The following PDCD7 variants were observed in gnomAD, a reference collection of about 807,000 sequenced individuals.
The protein encoded by PDCD7 is programmed cell death protein 7.
Under a neutral mutation model 42.1 loss-of-function variants are expected in PDCD7, and 40 were observed. The ratio of observed to expected loss-of-function variants is 0.95; its 90% CI spans 0.74 to 1.24. The LOEUF (loss-of-function observed/expected upper bound fraction) is 1.24. Among genes scored for constraint, PDCD7 ranks in the 50% most tolerant of loss-of-function variants. The probability of loss-of-function intolerance (pLI) is 0.00; values close to 1 mark genes in which losing one functional copy is unlikely to be tolerated. For missense variants in PDCD7, 644 were observed against 662.8 expected, an observed-to-expected ratio of 0.97 and a Z score of 0.31; for synonymous variants, 299 against 303.3, an observed-to-expected ratio of 0.99 and a Z score of 0.15.
At chr15:65,122,111 G>T (rs2087460026) in intron 2 of PDCD7, among the ~76,000 whole-genome samples, 1 of 152,194 alleles carries the variant, frequency 6.6e-6, no homozygotes, top group Non-Finnish European at 1.5e-5. Context: ...GAGGCAGGCA[G>T]GTTGCCTGAG....
Position 65,129,070 on chromosome 15 carries a change from T to C in PDCD7, c.971A>G (p.Lys324Arg), listed in dbSNP as rs2087518671. 2 of 1,614,116 alleles carry C rather than the reference T, an allele frequency of 1.2e-6. 1 individual carries two copies. Among genetic ancestry groups the C allele is most frequent in the Admixed American group, 3.3e-5 (2 of 60,022 alleles). The change falls in exon 2 of 5, where the codon AAA becomes AGA. Residue 324 changes from lysine (K) to arginine (R), a missense_variant. Lys to Arg is a conservative substitution (Grantham distance 26). Coordinates refer to ENST00000204549, the MANE Select transcript of PDCD7 (RefSeq NM_005707.2). ...AGCCTCTTTCCTCAGTTTCCTCAAT[T>C]TCTCCAAAGCCCGTAGAATGTCCAC... ...RMVDILRALE[K>R]LRKLRKEAAA...
intron 2 of PDCD7, among the ~76,000 whole-genome samples, chr15:65,122,413 A>C (rs540375690): frequency 3.0e-4 from 46 of 152,266 alleles, no homozygotes; most frequent in African/African-American, 1.0e-3. Flanking sequence ...TACCATAATC[A>C]ACCATTTTAT....
chr15:65,126,371 A>T (rs548705882), intron 2 of PDCD7, among the ~76,000 whole-genome samples: 17 of 152,238 alleles, frequency 1.1e-4, no homozygotes, highest in African/African-American at 4.1e-4. Context: ...CTTATCCAGG[A>T]TGTACCACAC....
chr15:65,118,610 C>T lies in PDCD7; in HGVS notation c.*107G>A, dbSNP rs368970647. The T allele has an allele frequency of 2.6e-4, 305 of 1,187,996 alleles. 3 individuals are homozygous for T. The South Asian group carries it at 3.8e-3, about 15-fold the overall frequency. 73.6% of individuals were successfully genotyped at this position (1,187,996 alleles called of 1,614,324 possible). A position where few individuals can be genotyped will look rare whatever the true frequency, so the allele number is the denominator to read the frequency against. On this transcript the variant is annotated 3_prime_UTR_variant, in exon 5 of 5. Transcript: ENST00000204549. The stretch of plus-strand genomic sequence containing the variant: ...ATAACTTCAGGGTAGGGGAATGCCA[C>T]ATGGAATTTAGAAGTTGCAGTTTAG...
rs763020199 is a variant in PDCD7 at position 65,129,154 on chromosome 15, G to A, written c.887C>T (p.Ala296Val). The A allele has an allele frequency of 5.0e-6, 8 of 1,613,848 alleles. No individual in the cohort carries two copies. The South Asian group carries it at 8.8e-5, about 18-fold the overall frequency. Residue 296 changes from alanine (A) to valine (V), a missense_variant, in exon 2 of 5, where the codon GCA becomes GTA. Ala to Val is a moderately conservative substitution (Grantham distance 64). Coordinates refer to ENST00000204549, the MANE Select transcript of PDCD7 (RefSeq NM_005707.2). ...EEKKREQELK[A>V]AADGVLSEVR... ...TTCAGATAGTACGCCATCAGCGGCTGCTTTGAGTTCCTGCTCCTGGAAGAG... is the reference window on the plus strand; with the variant it reads ...TTCAGATAGTACGCCATCAGCGGCTACTTTGAGTTCCTGCTCCTGGAAGAG...
In PDCD7 at chr15:65,127,277, G is replaced by A. The variant is rs190307014; in HGVS notation, c.1009+1755C>T. Among the ~76,000 whole-genome samples, 1,066 of 152,122 alleles carry A rather than the reference G, an allele frequency of 7.0e-3. 12 individuals carry two copies. The highest frequency in any genetic ancestry group is 0.023 in the African/African-American group (972 of 41,484). On this transcript the variant is annotated intron_variant, in intron 2 of 4. Transcript: ENST00000204549. ...TCGAGACCATCCTGGCTAACAAGGT[G>A]AAACCCCGTCTCTACTAAAAATACA...
rs1350845095 is a variant in PDCD7 at position 65,132,539 on chromosome 15, C to A, written c.870+373G>T. 3.3e-5 allele frequency among the ~76,000 whole-genome samples: 5 copies of A among 152,182 alleles called. No individual in the cohort carries two copies. The East Asian group carries it at 9.7e-4, about 29-fold the overall frequency. ...TGCTGGGATTACAGGCGTGGGCCAC[C>A]GCGCCCGGCCTGTATTTTGTATTCT... On this transcript the variant is annotated intron_variant, in intron 1 of 4. Coordinates refer to ENST00000204549, the MANE Select transcript of PDCD7 (RefSeq NM_005707.2).
chr15:65,123,564 T>A (rs1269522344), intron 2 of PDCD7, among the ~76,000 whole-genome samples: 2 of 152,250 alleles, frequency 1.3e-5, no homozygotes, highest in Admixed American at 1.3e-4. Context: ...ATTTTCAGTT[T>A]GGGCTGATAA....
chr15:65,132,808 G>T, intron 1 of PDCD7, 104 bp downstream of exon 1: 1 of 1,512,028 alleles, frequency 6.6e-7, no homozygotes, highest in Non-Finnish European at 8.9e-7. Context: ...CATTTTGCGC[G>T]TAAAACAGAG....
intron 2 of PDCD7, among the ~76,000 whole-genome samples, chr15:65,120,621 T>C (rs1298572566): frequency 1.3e-5 from 2 of 152,066 alleles, no homozygotes; most frequent in African/African-American, 4.8e-5. Flanking sequence ...GACAGGAGAA[T>C]GGCGTGAACC....
At position 65,119,416 on chromosome 15, in the gene PDCD7, G is replaced by A. The variant is rs375168838; in HGVS notation, c.1294C>T (p.Leu432Phe). 1.2e-5 allele frequency: 20 copies of A among 1,613,942 alleles called. No homozygotes were observed. In the African/African-American group the frequency reaches 2.3e-4, roughly 18 times the overall value. Reference sequence around the variant, plus strand: ...GCTGGCAGGGAGTGCTCGGCTTGGAGATAATACTGTCGGAAAGGCTCCAAG... The same window carrying A: ...GCTGGCAGGGAGTGCTCGGCTTGGAAATAATACTGTCGGAAAGGCTCCAAG... ...HLLEPFRQYY[L>F]QAEHSLPALI... Residue 432 changes from leucine (L) to phenylalanine (F), a missense_variant, in exon 4 of 5, where the codon CTC becomes TTC. Physicochemically the swap from Leu to Phe is conservative, Grantham distance 22 (BLOSUM62 0). Coordinates refer to ENST00000204549, the MANE Select transcript of PDCD7 (RefSeq NM_005707.2).
In PDCD7 at chr15:65,118,671, C is replaced by A. The variant is rs763986868; in HGVS notation, c.*46G>T. 1 of 1,518,656 alleles carries A rather than the reference C, an allele frequency of 6.6e-7. No homozygotes were observed. Among genetic ancestry groups the A allele is most frequent in the Non-Finnish European group, 8.8e-7 (1 of 1,133,204 alleles). The allele number at this position is 1,518,656 out of a possible 1,614,324, so 94.1% of individuals were successfully genotyped here. ...AAGATGGCACCATCGCTAATATTTA[C>A]AGCTGGAAAGAGCGCTGGCTGGACC... On this transcript the variant is annotated 3_prime_UTR_variant, in exon 5 of 5. Coordinates refer to ENST00000204549, the MANE Select transcript of PDCD7 (RefSeq NM_005707.2).
At chr15:65,125,841 A>G (rs191610404) in intron 2 of PDCD7, among the ~76,000 whole-genome samples, 380 of 152,338 alleles carry the variant, frequency 2.5e-3, no homozygotes, top group Admixed American at 7.1e-3. Context: ...AATTTATAAA[A>G]GAGGTTTAAT....
intron 4 of PDCD7, 118 bp downstream of exon 4, chr15:65,119,258 A>ATTT (rs2087431958): frequency 1.6e-6 from 1 of 644,678 alleles, no homozygotes; most frequent in African/African-American, 1.8e-5. Context: ...GTTTTTTTTA[A>ATTT]GTTCCTTATG....
At position 65,125,086 on chromosome 15, in the gene PDCD7, C is replaced by T. The variant is rs377062501; in HGVS notation, c.1009+3946G>A. Among the ~76,000 whole-genome samples, 176 of 152,306 alleles carry T rather than the reference C, an allele frequency of 1.2e-3. 1 individual carries two copies. Among genetic ancestry groups the T allele is most frequent in the African/African-American group, 3.4e-3 (142 of 41,558 alleles). ...ACCCTGTTTCCCAGAGAAAACAGGC[C>T]AGCAGACAGGAAATCCCTCAAATAT... is the stretch of plus-strand genomic sequence containing the variant. On this transcript the variant is annotated intron_variant, in intron 2 of 4. Coordinates refer to ENST00000204549, the MANE Select transcript of PDCD7 (RefSeq NM_005707.2).
chr15:65,118,656 C>T lies in PDCD7; in HGVS notation c.*61G>A. On this transcript the variant is annotated 3_prime_UTR_variant, in exon 5 of 5. Coordinates refer to ENST00000204549, the MANE Select transcript of PDCD7 (RefSeq NM_005707.2). ...TTTAGTCTACAGCAAAAGATGGCAC[C>T]ATCGCTAATATTTACAGCTGGAAAG... is the stretch of plus-strand genomic sequence containing the variant. The T allele has an allele frequency of 6.7e-7, 1 of 1,482,338 alleles. No homozygotes were observed. Among genetic ancestry groups the T allele is most frequent in the Non-Finnish European group, 9.0e-7 (1 of 1,111,964 alleles). The allele number at this position is 1,482,338 out of a possible 1,614,324, so 91.8% of individuals were successfully genotyped here.
chr15:65,131,104 C>T (rs763757865), intron 1 of PDCD7, among the ~76,000 whole-genome samples: 2 of 152,194 alleles, frequency 1.3e-5, no homozygotes, highest in Non-Finnish European at 2.9e-5. Context: ...AGTGAAGCTT[C>T]ATCTCCATTT....
In PDCD7 at chr15:65,133,788, G is replaced by C; in HGVS notation, c.-7C>G. ...AGAATGGTGGCAGGGCCATGTTCAC[G>C]ACGGAGATGCTTTGAGAAGTGACAG... On this transcript the variant is annotated 5_prime_UTR_variant, in exon 1 of 5. Transcript: ENST00000204549. 1 of 1,361,162 alleles carries C rather than the reference G, an allele frequency of 7.3e-7. No homozygotes were observed. Among genetic ancestry groups the C allele is most frequent in the South Asian group, 2.0e-5 (1 of 50,570 alleles). The allele number at this position is 1,361,162 out of a possible 1,614,324, so 84.3% of individuals were successfully genotyped here.
chr15:65,123,928 T>G (rs2087476037), intron 2 of PDCD7, among the ~76,000 whole-genome samples: 1 of 152,228 alleles, frequency 6.6e-6, no homozygotes, highest in Admixed American at 6.5e-5. Context: ...CAGGTAAATA[T>G]TTTAGATTTT....
Sources: gnomAD v4.1 joint callset for allele counts (sites outside exome capture counted in the v4.1 genomes callset) on GRCh38, gnomAD v4.1.1 for gene constraint, MANE v1.5 for transcripts, NCBI Gene and HGNC (gene_info 2026-07-23, HGNC 2026-07-21) for gene names.